Variants in CUL2 observed in about 807,000 individuals in gnomAD.
CUL2 encodes cullin 2.
Under a neutral mutation model 110.2 loss-of-function variants are expected in CUL2, and 22 were observed. The observed-to-expected ratio is 0.20, with a 90% CI of 0.14 to 0.28. The LOEUF (loss-of-function observed/expected upper bound fraction) is 0.28. Ranked by LOEUF, CUL2 falls within the 10% of genes least tolerant of loss-of-function variation. The pLI, the probability that CUL2 is intolerant of heterozygous loss-of-function variation, is 1.00. For synonymous variants in CUL2, 279 were observed against 293.2 expected (o/e 0.95, Z 0.49); for missense variants, 631 against 905.5 (o/e 0.70, Z 3.89).
In CUL2 at chr10:35,034,668, C is replaced by T. The variant is rs79368293; in HGVS notation, c.1002+504G>A. ...ACAGTCATGTGATTGGCAAAGTATT[C>T]GAGAAAGATGAGTATTAGGGATATG... On this transcript the variant is annotated intron_variant, in intron 10 of 20. Transcript: ENST00000374749. Among the ~76,000 whole-genome samples, 420 of 152,156 alleles carry T rather than the reference C, an allele frequency of 2.8e-3. 14 individuals carry two copies. In the East Asian group the frequency reaches 0.076, roughly 27 times the overall value.
At chr10:35,038,164 A>G (rs2085676475) in intron 9 of CUL2, among the ~76,000 whole-genome samples, 1 of 151,312 alleles carries the variant, frequency 6.6e-6, no homozygotes, top group African/African-American at 2.4e-5. Flanking sequence ...AAATTAATTA[A>G]TTAAATAAAA....
intron 1 of CUL2, among the ~76,000 whole-genome samples, chr10:35,104,870 C>G (rs1047675209): frequency 2.6e-5 from 4 of 151,890 alleles, no homozygotes; most frequent in Admixed American, 1.3e-4. Flanking sequence ...GCTGGGATTA[C>G]AGGCACCTGC....
At chr10:35,040,816 A>G (rs983838859) in intron 8 of CUL2, among the ~76,000 whole-genome samples, 2 of 152,186 alleles carry the variant, frequency 1.3e-5, no homozygotes, top group African/African-American at 4.8e-5. Context: ...TAAAGAGCGC[A>G]CATCCTAGAC....
At chr10:35,044,072 A>G (rs969868795) in intron 8 of CUL2, among the ~76,000 whole-genome samples, 4 of 143,198 alleles carry the variant, frequency 2.8e-5, no homozygotes, top group African/African-American at 1.0e-4. Context: ...AAAAAAAAAA[A>G]AAACACCTCA....
intron 15 of CUL2, 147 bp downstream of exon 15, chr10:35,029,341 G>A (rs1020392991): frequency 3.6e-6 from 2 of 550,770 alleles, no homozygotes; most frequent in Non-Finnish European, 5.9e-6. Flanking sequence ...ACAGGCATAA[G>A]CCACCACGCC....
Position 35,049,717 on chromosome 10 carries a change from T to C in CUL2, c.472A>G (p.Ile158Val). 1 of 1,613,602 alleles carries C rather than the reference T, an allele frequency of 6.2e-7. No individual in the cohort carries two copies. The highest frequency in any genetic ancestry group is 8.5e-7 in the Non-Finnish European group (1 of 1,179,778). ...TCTCGGAGCAGCATTCGGATAAGGATGGCCTGAAGTGGTTCAACCATCAAT... is the reference window on the plus strand; with the variant it reads ...TCTCGGAGCAGCATTCGGATAAGGACGGCCTGAAGTGGTTCAACCATCAAT... Reference protein sequence around the residue: ...RKLMVEPLQAILIRMLLREIK... With the variant: ...RKLMVEPLQAVLIRMLLREIK... Residue 158 changes from isoleucine (I) to valine (V), a missense_variant, in exon 6 of 21, where the codon ATC becomes GTC. Around this residue, in one of 3 missense-constraint regions of CUL2, gnomAD observed 338 missense variants for 442.5 expected, o/e 0.76. Transcript: ENST00000374749.
chr10:35,032,924 GA>G (rs1234262532), intron 11 of CUL2, among the ~76,000 whole-genome samples: 3 of 152,036 alleles, frequency 2.0e-5, no homozygotes, highest in African/African-American at 7.2e-5. Context: ...TGTCTATCCA[GA>G]ACATATCAGA....
rs892437442 is a variant in CUL2, at chr10:35,038,935, G to T, written c.862C>A (p.Gln288Lys). The T allele has an allele frequency of 8.2e-6, 13 of 1,582,218 alleles. No homozygotes were observed. The Admixed American group carries it at 1.1e-4, about 14-fold the overall frequency. Residue 288 changes from glutamine to lysine, a missense_variant, in exon 9 of 21, where the codon CAA becomes AAA. Gln to Lys is a moderately conservative substitution (Grantham distance 53). Transcript: ENST00000374749. ...LHAECHNIIR[Q>K]EKKNDMANMY... ...TGTCACTTACCATTTTTTTTCTCTT[G>T]TCGAATTATATTATGACATTCTGCA...
intron 6 of CUL2, among the ~76,000 whole-genome samples, chr10:35,045,737 A>G (rs2085923012): frequency 6.6e-6 from 1 of 152,032 alleles, no homozygotes; most frequent in African/African-American, 2.4e-5. Context: ...AAATAAAAAT[A>G]AAAATAAAAT....
rs866762682 is a variant in CUL2, at chr10:35,010,228, G to C, written c.*83C>G. 7.2e-7 allele frequency: 1 copy of C among 1,380,678 alleles called. No homozygotes were observed. The highest frequency in any genetic ancestry group is 1.5e-5 in the African/African-American group (1 of 67,648). The allele number at this position is 1,380,678 out of a possible 1,614,324, so 85.5% of individuals were successfully genotyped here. ...GGCTGCCAAATGACCAAATTATGGA[G>C]GCACAGTCCTGCTTTTTCCCACAGG... On this transcript the variant is annotated 3_prime_UTR_variant, in exon 21 of 21. Transcript: ENST00000374749.
Position 35,095,854 on chromosome 10 carries a change from C to G in CUL2, c.167+4990G>C, listed in dbSNP as rs1028776776. Among the ~76,000 whole-genome samples, 9 of 152,260 alleles carry G rather than the reference C, an allele frequency of 5.9e-5. 2 individuals carry two copies. The highest frequency in any genetic ancestry group is 5.9e-4 in the Admixed American group (9 of 15,284). On this transcript the variant is annotated intron_variant, in intron 2 of 5. Transcript: ENST00000685421. ...GAGATTACAGGCGTGAGCCACCAAG[C>G]CCGGCCAGTTATGTCATGTATTAAA... is the stretch of plus-strand genomic sequence containing the variant.
In CUL2 at chr10:35,031,294, C is replaced by T. The variant is rs759998362; in HGVS notation, c.1386+6G>A. On this transcript the variant is annotated splice_donor_region_variant and intron_variant, in intron 14 of 20. Coordinates refer to ENST00000374749, the MANE Select transcript of CUL2 (RefSeq NM_003591.4). The surrounding 1 kb of genome is among the most constrained non-coding windows in gnomAD (Gnocchi z 4.4). ...AGGACAATACCACATTAAAGACTTA[C>T]ATTACCTTTAATTTGTTGATCATGG... 7.7e-6 allele frequency: 12 copies of T among 1,550,956 alleles called. No homozygotes were observed. In the South Asian group the frequency reaches 1.3e-4, roughly 17 times the overall value.
chr10:35,024,037 GT>G (rs1221029972), intron 17 of CUL2, among the ~76,000 whole-genome samples: 1 of 152,076 alleles, frequency 6.6e-6, no homozygotes, highest in Non-Finnish European at 1.5e-5. Flanking sequence ...GTTTTGTCAT[GT>G]TGCCCAGGCT....
intron 1 of CUL2, among the ~76,000 whole-genome samples, chr10:35,078,454 C>T (rs1019956138): frequency 6.6e-6 from 1 of 151,964 alleles, no homozygotes; most frequent in Non-Finnish European, 1.5e-5. Flanking sequence ...CGCCACCACA[C>T]CGGTGTAATT....
intron 17 of CUL2, among the ~76,000 whole-genome samples, chr10:35,019,482 C>CA (rs1415351532): frequency 6.6e-6 from 1 of 152,142 alleles, no homozygotes; most frequent in East Asian, 1.9e-4. Flanking sequence ...GAAGACACGA[C>CA]AGGGGAAAGG....
At chr10:35,073,428 A>C (rs34375045) in intron 1 of CUL2, among the ~76,000 whole-genome samples, 46,575 of 151,894 alleles carry the variant, frequency 0.31, 7,442 homozygotes, top group South Asian at 0.35. Context: ...CCTACAAATG[A>C]TCCGGAATCA....
At chr10:35,021,818 G>GGGTGA (rs779599642) in intron 17 of CUL2, among the ~76,000 whole-genome samples, 28 of 105,464 alleles carry the variant, frequency 2.7e-4, no homozygotes, top group African/African-American at 1.0e-3. Flanking sequence ...AGGCGAGGTG[G>GGGTGA]GGTGAGGTGA....
At chr10:35,041,991 T>C (rs2085804596) in intron 8 of CUL2, among the ~76,000 whole-genome samples, 1 of 152,244 alleles carries the variant, frequency 6.6e-6, no homozygotes, top group Non-Finnish European at 1.5e-5. Flanking sequence ...ACATTATCAA[T>C]GTTTTTAAAT....
At chr10:35,044,719 G>A (rs752902160) in intron 7 of CUL2, 43 bp from the exon 8 acceptor site, 30 of 1,583,348 alleles carry the variant, frequency 1.9e-5, no homozygotes, top group Non-Finnish European at 2.5e-5. Context: ...ATTAGAACAA[G>A]CAGTTTAAGA....
Sources: gnomAD v4.1 joint callset for allele counts (sites outside exome capture counted in the v4.1 genomes callset) on GRCh38, gnomAD v4.1.1 for gene constraint, gnomAD v4.1.1 regional missense constraint, Gnocchi (gnomAD v3.1) non-coding constraint, MANE v1.5 for transcripts, NCBI Gene and HGNC (gene_info 2026-07-23, HGNC 2026-07-21) for gene names.